AKAP7: variants seen among roughly 807,000 people sequenced by gnomAD.
AKAP7 encodes A-kinase anchoring protein 7.
A neutral mutation model predicts 39.5 loss-of-function variants in AKAP7; 39 were observed. The ratio of observed to expected loss-of-function variants is 0.99; its 90% CI spans 0.76 to 1.29. The LOEUF is 1.29. Ranked by LOEUF, AKAP7 falls within the 50% of genes most tolerant of loss-of-function variation. The pLI, the probability that AKAP7 is intolerant of heterozygous loss-of-function variation, is 0.00. For synonymous variants in AKAP7, 140 were observed against 139.1 expected, an observed-to-expected ratio of 1.01 and a Z score of -0.05; for missense variants, 414 against 407.7, an observed-to-expected ratio of 1.02 and a Z score of -0.13.
chr6:131,253,131 C>G, intron 7 of AKAP7: 1 of 1,596,828 alleles, frequency 6.3e-7, no homozygotes, highest in African/African-American at 1.3e-5. Context: ...CCCCTCCCCT[C>G]TCCTGCTGCT....
chr6:131,188,380 T>C (rs1487126591), intron 5 of AKAP7, among the ~76,000 whole-genome samples: 17 of 152,208 alleles, frequency 1.1e-4, no homozygotes, highest in Admixed American at 9.8e-4. Context: ...AAGTTTCAGG[T>C]GACGAAAAGT....
At chr6:131,207,987 CAG>C (rs1371190616) in intron 6 of AKAP7, among the ~76,000 whole-genome samples, 4 of 152,150 alleles carry the variant, frequency 2.6e-5, no homozygotes, top group Non-Finnish European at 5.9e-5. Context: ...TAATTACTCA[CAG>C]TTTTTAGTTG....
chr6:131,240,748 T>A (rs1811477293), intron 7 of AKAP7, among the ~76,000 whole-genome samples: 3 of 152,344 alleles, frequency 2.0e-5, no homozygotes, highest in East Asian at 1.9e-4. Context: ...TTGCTAAGAC[T>A]GTTGGAAAAG....
At chr6:131,138,831 A>G (rs747943710) in intron 1 of AKAP7, among the ~76,000 whole-genome samples, 3 of 152,242 alleles carry the variant, frequency 2.0e-5, no homozygotes, top group Non-Finnish European at 4.4e-5. Flanking sequence ...GCCTGGCTTC[A>G]AGCATGCACT....
intron 7 of AKAP7, among the ~76,000 whole-genome samples, chr6:131,266,159 G>A (rs941957891): frequency 1.3e-5 from 2 of 152,144 alleles, no homozygotes; most frequent in Non-Finnish European, 2.9e-5. Context: ...ACAAGACTGG[G>A]ATTGTCTCTG....
intron 6 of AKAP7, among the ~76,000 whole-genome samples, chr6:131,207,573 G>A (rs1244637526): frequency 7.3e-6 from 1 of 137,284 alleles, no homozygotes; most frequent in Non-Finnish European, 1.5e-5. Context: ...GGCCTTAAAC[G>A]ATCCTCACAC....
intron 7 of AKAP7, among the ~76,000 whole-genome samples, chr6:131,231,740 T>C (rs1810641941): frequency 6.6e-6 from 1 of 152,200 alleles, no homozygotes; most frequent in Non-Finnish European, 1.5e-5. Context: ...AACTGGGACT[T>C]AGGTCACCCT....
chr6:131,233,150 C>A (rs903794721), intron 7 of AKAP7, among the ~76,000 whole-genome samples: 1 of 146,852 alleles, frequency 6.8e-6, no homozygotes, highest in Non-Finnish European at 1.5e-5. Flanking sequence ...TTTAAAAAAA[C>A]CTGCTAATGT....
intron 1 of AKAP7, among the ~76,000 whole-genome samples, chr6:131,140,658 AG>A (rs1424658565): frequency 4.6e-5 from 7 of 152,196 alleles, no homozygotes; most frequent in African/African-American, 1.7e-4. Flanking sequence ...AATAAAATAG[AG>A]GAAAAACAAT....
intron 7 of AKAP7, among the ~76,000 whole-genome samples, chr6:131,262,337 C>G (rs781542736): frequency 5.9e-5 from 9 of 152,116 alleles, no homozygotes; most frequent in Non-Finnish European, 1.2e-4. Context: ...TGAGTTGAGT[C>G]CCAGCTCTGT....
At chr6:131,250,372 C>A in intron 7 of AKAP7, 2 of 1,413,234 alleles carry the variant, frequency 1.4e-6, no homozygotes, top group Non-Finnish European at 1.8e-6. Context: ...GGAGGTGGAG[C>A]CTTTTTTGCT....
At position 131,174,666 on chromosome 6, in the gene AKAP7, G is replaced by A. The variant is rs557945302; in HGVS notation, c.589+5393G>A. 3.3e-5 allele frequency among the ~76,000 whole-genome samples: 5 copies of A among 152,260 alleles called. No individual in the cohort carries two copies. In the South Asian group the frequency reaches 8.3e-4, roughly 25 times the overall value. ...GTAAAATGATTTAATATTTGTTTTT[G>A]TACCATATTTTATAAGCTGTTTGTT... is the stretch of plus-strand genomic sequence containing the variant. On this transcript the variant is annotated intron_variant, in intron 5 of 7. Transcript: ENST00000431975.
chr6:131,161,644 C>CAAAAAAAAAAAAAAAAAAAAAA (rs55744190), intron 3 of AKAP7, among the ~76,000 whole-genome samples: 7 of 33,618 alleles, frequency 2.1e-4, no homozygotes, highest in Non-Finnish European at 3.7e-4. Flanking sequence ...GACTGTATCT[C>CAAAAAAAAAAAAAAAAAAAAAA]AAAAAAAAAA....
intron 5 of AKAP7, among the ~76,000 whole-genome samples, chr6:131,175,309 G>A (rs773073476): frequency 1.3e-5 from 2 of 152,122 alleles, no homozygotes; most frequent in Non-Finnish European, 2.9e-5. Flanking sequence ...AACTTCTGTT[G>A]AAAAATATCC....
chr6:131,222,629 A>C (rs1475200681), intron 7 of AKAP7, among the ~76,000 whole-genome samples: 1 of 152,210 alleles, frequency 6.6e-6, no homozygotes, highest in Non-Finnish European at 1.5e-5. Flanking sequence ...ACTTTAGTGG[A>C]TAATGAGTTG....
intron 1 of AKAP7, among the ~76,000 whole-genome samples, chr6:131,143,637 G>T (rs974618280): frequency 2.0e-5 from 3 of 152,090 alleles, no homozygotes; most frequent in Non-Finnish European, 4.4e-5. Context: ...GTGTGTGTGT[G>T]TGAACAATAG....
intron 7 of AKAP7, chr6:131,250,264 A>G: frequency 3.4e-6 from 4 of 1,166,864 alleles, no homozygotes; most frequent in Non-Finnish European, 4.3e-6. Context: ...GCACTGACCT[A>G]TGGCCAGGGA....
chr6:131,257,985 T>A (rs1040440752), intron 7 of AKAP7, among the ~76,000 whole-genome samples: 1 of 152,212 alleles, frequency 6.6e-6, no homozygotes, highest in African/African-American at 2.4e-5. Context: ...AATACACTTT[T>A]TTTGTTGCAG....
At chr6:131,191,181 A>G (rs1470870332) in intron 5 of AKAP7, among the ~76,000 whole-genome samples, 1 of 152,214 alleles carries the variant, frequency 6.6e-6, no homozygotes, top group African/African-American at 2.4e-5. Context: ...TTAGTCCATC[A>G]TGACATATGT....
Sources: allele counts gnomAD v4.1 joint callset (sites outside exome capture counted in the v4.1 genomes callset), GRCh38; gene constraint gnomAD v4.1.1; transcripts MANE v1.5; gene names NCBI Gene and HGNC (gene_info 2026-07-23, HGNC 2026-07-21).